The following MCHR2 variants were observed in gnomAD, a reference collection of about 807,000 sequenced individuals.
The protein encoded by MCHR2 is melanin concentrating hormone receptor 2.
MCHR2 carries 15 observed loss-of-function variants against 24.8 expected under a neutral mutation model. That is an observed-to-expected ratio of 0.60 (90% CI 0.40 to 0.93). The LOEUF is 0.93. Ranked by LOEUF, MCHR2 falls within the 40% of genes least tolerant of loss-of-function variation. The pLI is 0.00. For missense variants in MCHR2, 386 were observed against 408.7 expected (o/e 0.94, Z 0.48); for synonymous variants, 151 against 147.6 (o/e 1.02, Z -0.17).
Position 99,921,155 on chromosome 6 carries a change from T to G in MCHR2, c.808A>C (p.Ile270Leu), listed in dbSNP as rs1390282005. Residue 270 changes from isoleucine (I) to leucine (L), a missense_variant, in exon 6 of 6, where the codon ATA (isoleucine) becomes CTA (leucine). By Grantham distance (5) the Ile-to-Leu change is conservative. Coordinates refer to ENST00000281806, the MANE Select transcript of MCHR2 (RefSeq NM_001040179.2). ...TCCATCTGTAAGTTCACCAGTTGTA[T>G]CACATGATAAGGGGCAGCACTCAGG... ...FILSAAPYHVIQLVNLQMEQP... is the reference protein window; with the variant it reads ...FILSAAPYHVLQLVNLQMEQP... 6.2e-7 allele frequency: 1 copy of G among 1,614,158 alleles called. No homozygotes were observed. Among genetic ancestry groups the G allele is most frequent in the Non-Finnish European group, 8.5e-7 (1 of 1,180,028 alleles).
chr6:99,945,349 T>G (rs1441734025), intron 3 of MCHR2, among the ~76,000 whole-genome samples: 3 of 152,208 alleles, frequency 2.0e-5, no homozygotes, highest in Non-Finnish European at 4.4e-5. Flanking sequence ...GAGAATTTAT[T>G]TATAAAAGTA....
intron 4 of MCHR2, among the ~76,000 whole-genome samples, chr6:99,935,333 G>A (rs1189796943): frequency 6.6e-6 from 1 of 151,876 alleles, no homozygotes; most frequent in Non-Finnish European, 1.5e-5. Context: ...GTGTATCTTT[G>A]TATCCACTTA....
chr6:99,989,684 C>T (rs1374820085), intron 1 of MCHR2, among the ~76,000 whole-genome samples: 1 of 152,102 alleles, frequency 6.6e-6, no homozygotes, highest in Non-Finnish European at 1.5e-5. Flanking sequence ...TAAGCCATCA[C>T]TGCTGCTTGA....
intron 1 of MCHR2, among the ~76,000 whole-genome samples, chr6:99,988,586 C>T (rs117503207): frequency 3.3e-5 from 5 of 152,256 alleles, no homozygotes; most frequent in Admixed American, 2.6e-4. Flanking sequence ...TTCATCCCCC[C>T]ACCCACAGGG....
chr6:99,928,095 C>T (rs1405359382), intron 5 of MCHR2, among the ~76,000 whole-genome samples: 2 of 152,142 alleles, frequency 1.3e-5, no homozygotes, highest in Non-Finnish European at 2.9e-5. Context: ...TTGAGATAAT[C>T]GTGTGGTTTT....
intron 1 of MCHR2, among the ~76,000 whole-genome samples, chr6:99,974,556 A>G (rs1304916269): frequency 5.3e-5 from 8 of 152,096 alleles, no homozygotes; most frequent in Non-Finnish European, 1.2e-4. Context: ...TTCTTCTCTC[A>G]ACTTGTCAAA....
chr6:99,920,726 T>C lies in MCHR2; in HGVS notation c.*214A>G. The C allele has an allele frequency of 3.7e-6, 2 of 547,292 alleles. No homozygotes were observed. Among genetic ancestry groups the C allele is most frequent in the South Asian group, 4.7e-5 (2 of 42,770 alleles). 33.9% of individuals were successfully genotyped at this position (547,292 alleles called of 1,614,324 possible). A position where few individuals can be genotyped will look rare whatever the true frequency, so the allele number is the denominator to read the frequency against. On this transcript the variant is annotated 3_prime_UTR_variant, in exon 6 of 6. Coordinates refer to ENST00000281806, the MANE Select transcript of MCHR2 (RefSeq NM_001040179.2). ...AGCCTGGGTATCTCAGACTATCCCA[T>C]TCCCTACCCACAATATAGATCAACA...
chr6:99,968,400 G>T (rs1316883898), intron 1 of MCHR2, among the ~76,000 whole-genome samples: 1 of 152,126 alleles, frequency 6.6e-6, no homozygotes, highest in Non-Finnish European at 1.5e-5. Flanking sequence ...AGAATGACTG[G>T]ATTTAGATAT....
In MCHR2 at chr6:99,920,065, GTAT is replaced by G. The variant is rs1774192614; in HGVS notation, c.*872_*874del. 6.6e-6 allele frequency: 1 copy of G among 152,184 alleles called. No homozygotes were observed. 9.4% of individuals were successfully genotyped at this position (152,184 alleles called of 1,614,324 possible). On this transcript the variant is annotated 3_prime_UTR_variant, in exon 6 of 6. Coordinates refer to ENST00000281806, the MANE Select transcript of MCHR2 (RefSeq NM_001040179.2). ...ATTATGCTTAAAGTCCAGAAGTAAA[GTAT>G]TATTATTAAAGTGCAGATGCCAGTT...
In MCHR2 at chr6:99,970,742, A is replaced by G. The variant is rs1249642976; in HGVS notation, c.-27-14568T>C. Among the ~76,000 whole-genome samples, 15 of 152,180 alleles carry G rather than the reference A, an allele frequency of 9.9e-5. No individual in the cohort carries two copies. In the South Asian group the frequency reaches 2.5e-3, roughly 25 times the overall value. On this transcript the variant is annotated intron_variant, in intron 1 of 5. Coordinates refer to ENST00000281806, the MANE Select transcript of MCHR2 (RefSeq NM_001040179.2). ...CCATCTTGAATTAATTTTTGTATAA[A>G]GTGTAAGGAAGGGATCCAGTTTCAG...
At position 99,967,623 on chromosome 6, in the gene MCHR2, A is replaced by G. The variant is rs546291903; in HGVS notation, c.-27-11449T>C. 1.8e-4 allele frequency among the ~76,000 whole-genome samples: 27 copies of G among 152,266 alleles called. No homozygotes were observed. The South Asian group carries it at 5.4e-3, about 30-fold the overall frequency. On this transcript the variant is annotated intron_variant, in intron 1 of 5. Coordinates refer to ENST00000281806, the MANE Select transcript of MCHR2 (RefSeq NM_001040179.2). Reference sequence around the variant, plus strand: ...ACTATTTTCAAGTTAAATATCAGGGAAAAAAATCATCTGGGGAAAAAACCT... The same window carrying G: ...ACTATTTTCAAGTTAAATATCAGGGGAAAAAATCATCTGGGGAAAAAACCT...
chr6:99,986,295 C>A (rs1775766800), intron 1 of MCHR2, among the ~76,000 whole-genome samples: 1 of 152,062 alleles, frequency 6.6e-6, no homozygotes, highest in Admixed American at 6.6e-5. Context: ...AAGAACTACG[C>A]TTTGATATAG....
intron 1 of MCHR2, among the ~76,000 whole-genome samples, chr6:99,982,085 C>G (rs546981180): frequency 1.1e-4 from 17 of 152,268 alleles, no homozygotes; most frequent in Admixed American, 5.2e-4. Context: ...CCCCCGCTCC[C>G]TACCTGTCTC....
At chr6:99,962,605 G>C (rs1775209470) in intron 1 of MCHR2, among the ~76,000 whole-genome samples, 3 of 151,982 alleles carry the variant, frequency 2.0e-5, no homozygotes, top group Non-Finnish European at 4.4e-5. Flanking sequence ...ACTCAAAATA[G>C]GTTAAAGACT....
At chr6:99,977,090 C>A (rs1009043957) in intron 1 of MCHR2, among the ~76,000 whole-genome samples, 2 of 152,104 alleles carry the variant, frequency 1.3e-5, no homozygotes, top group Non-Finnish European at 2.9e-5. Flanking sequence ...TTGATAAGCA[C>A]CTGGGGTCTG....
At chr6:99,932,565 T>G (rs1028659601) in intron 5 of MCHR2, among the ~76,000 whole-genome samples, 2 of 152,182 alleles carry the variant, frequency 1.3e-5, no homozygotes, top group African/African-American at 4.8e-5. Context: ...TCAACAGTGA[T>G]GTAACGTGGC....
chr6:99,932,406 G>A (rs1430419915), intron 5 of MCHR2, among the ~76,000 whole-genome samples: 1 of 152,174 alleles, frequency 6.6e-6, no homozygotes, highest in African/African-American at 2.4e-5. Context: ...AGCAGATGGA[G>A]CTTAATTCCC....
intron 1 of MCHR2, among the ~76,000 whole-genome samples, chr6:99,976,485 G>C (rs1272854529): frequency 4.6e-5 from 7 of 152,236 alleles, no homozygotes; most frequent in Non-Finnish European, 7.3e-5. Context: ...GTGTGAAGGA[G>C]CAGAACTGCT....
chr6:99,988,743 A>T (rs533097288), intron 1 of MCHR2, among the ~76,000 whole-genome samples: 10 of 152,346 alleles, frequency 6.6e-5, no homozygotes, highest in Admixed American at 6.5e-4. Context: ...ACTTTTGAAC[A>T]TTCTTAAATA....
Sources: gnomAD v4.1 joint callset for allele counts (sites outside exome capture counted in the v4.1 genomes callset) on GRCh38, gnomAD v4.1.1 for gene constraint, MANE v1.5 for transcripts, NCBI Gene and HGNC (gene_info 2026-07-23, HGNC 2026-07-21) for gene names.